The following MSRA variants were observed in gnomAD, a reference collection of about 807,000 sequenced individuals.
MSRA encodes the protein mitochondrial peptide methionine sulfoxide reductase.
In MSRA, 54 loss-of-function variants were observed where a neutral mutation model predicts 31.3. That is an observed-to-expected ratio of 1.73 (90% CI 1.39 to 2.17). The LOEUF (loss-of-function observed/expected upper bound fraction) is 2.17, where lower values mean the gene tolerates loss of function less well. Among genes scored for constraint, MSRA ranks in the 30% most tolerant of loss-of-function variants. The probability of loss-of-function intolerance (pLI) is 0.00; values close to 1 mark genes in which losing one functional copy is unlikely to be tolerated. For synonymous variants in MSRA, 169 were observed against 116.5 expected, an observed-to-expected ratio of 1.45 and a Z score of -2.90; for missense variants, 507 against 300.9, an observed-to-expected ratio of 1.69 and a Z score of -5.07.
At chr8:10,209,169 C>T (rs1052104229) in intron 2 of MSRA, among the ~76,000 whole-genome samples, 1 of 152,220 alleles carries the variant, frequency 6.6e-6, no homozygotes, top group Non-Finnish European at 1.5e-5. Context: ...CTCTCTAAAC[C>T]ATGTGCTAAA....
Position 10,350,292 on chromosome 8 carries a change from A to G in MSRA, c.543+30303A>G, listed in dbSNP as rs962555426. Among the ~76,000 whole-genome samples the G allele has an allele frequency of 6.6e-5, 10 of 152,356 alleles. 1 individual carries two copies. In the South Asian group the frequency reaches 2.1e-3, roughly 32 times the overall value. The stretch of plus-strand genomic sequence containing the variant: ...GCATCTTTGAGAAACTTTCTGTTTT[A>G]TACTCACAGCGCTTCACAGCTTGCA... On this transcript the variant is annotated intron_variant, in intron 5 of 5. Transcript: ENST00000317173.
At chr8:10,142,328 A>G (rs1020122505) in intron 1 of MSRA, among the ~76,000 whole-genome samples, 1 of 151,932 alleles carries the variant, frequency 6.6e-6, no homozygotes, top group Non-Finnish European at 1.5e-5. Context: ...TAGGATTCCC[A>G]TTTTCCAGGA....
Position 10,370,951 on chromosome 8 carries a change from A to G in MSRA, c.543+50962A>G, listed in dbSNP as rs116012913. 4.0e-3 allele frequency among the ~76,000 whole-genome samples: 611 copies of G among 152,312 alleles called. 8 individuals carry two copies. The highest frequency in any genetic ancestry group is 0.014 in the African/African-American group (587 of 41,572). On this transcript the variant is annotated intron_variant, in intron 5 of 5. Coordinates refer to ENST00000317173, the MANE Select transcript of MSRA (RefSeq NM_012331.5). ...TGTCACACACGCTCGTGGGCAGGTC[A>G]TGAGAAGACGTGTCTGAAGTGTGAT...
intron 3 of MSRA, among the ~76,000 whole-genome samples, chr8:10,248,436 C>T (rs138455611): frequency 0.013 from 2,026 of 152,232 alleles, 30 homozygotes; most frequent in Middle Eastern, 0.044. Flanking sequence ...TATGTGATGA[C>T]GCACATCAGA....
chr8:10,413,281 G>A (rs540133469), intron 5 of MSRA, among the ~76,000 whole-genome samples: 2 of 152,312 alleles, frequency 1.3e-5, no homozygotes, highest in East Asian at 1.9e-4. Flanking sequence ...TTCCAGGCCT[G>A]TAAGGAATTC....
chr8:10,152,263 A>G (rs1000765265), intron 1 of MSRA, among the ~76,000 whole-genome samples: 3 of 152,232 alleles, frequency 2.0e-5, no homozygotes, highest in African/African-American at 7.2e-5. Flanking sequence ...AAACACATGT[A>G]TACGTATGTA....
chr8:10,246,466 C>T (rs1797628635), intron 3 of MSRA, among the ~76,000 whole-genome samples: 3 of 152,122 alleles, frequency 2.0e-5, no homozygotes, highest in Admixed American at 2.0e-4. Flanking sequence ...GAGGGAGTAT[C>T]TGGAGTTATA....
rs78882219 is a variant in MSRA, at chr8:10,176,700, T to A, written c.143-31133T>A. ...TGTGCAAAGGCCATCCTCTTTAGAT[T>A]CCAGACCAGACTTACGAAGTGAACT... On this transcript the variant is annotated intron_variant, in intron 1 of 5. Coordinates refer to ENST00000317173, the MANE Select transcript of MSRA (RefSeq NM_012331.5). Among the ~76,000 whole-genome samples, 1,194 of 152,326 alleles carry A rather than the reference T, an allele frequency of 7.8e-3. 31 individuals carry two copies. The South Asian group carries it at 0.089, about 11-fold the overall frequency.
At chr8:10,134,300 A>G (rs1802106815) in intron 1 of MSRA, among the ~76,000 whole-genome samples, 1 of 152,252 alleles carries the variant, frequency 6.6e-6, no homozygotes, top group East Asian at 1.9e-4. Context: ...ATGGGAAAAA[A>G]GAAGCCTCCA....
rs945162206 is a variant in MSRA, at chr8:10,223,780, C to G, written c.211+15879C>G. ...AATCTAGATGGTTAAAGGCAGGGGT[C>G]AAATCAAGACCATGGTACAAAAGAT... On this transcript the variant is annotated intron_variant, in intron 2 of 5. Coordinates refer to ENST00000317173, the MANE Select transcript of MSRA (RefSeq NM_012331.5). Among the ~76,000 whole-genome samples, 6 of 152,154 alleles carry G rather than the reference C, an allele frequency of 3.9e-5. No homozygotes were observed. In the East Asian group the frequency reaches 1.2e-3, roughly 29 times the overall value.
chr8:10,404,558 G>C (rs775678729), intron 5 of MSRA, among the ~76,000 whole-genome samples: 1 of 152,212 alleles, frequency 6.6e-6, no homozygotes, highest in East Asian at 1.9e-4. Context: ...CCTCACCTAC[G>C]ATCTGCCGTC....
At chr8:10,119,544 A>C (rs899415759) in intron 1 of MSRA, among the ~76,000 whole-genome samples, 5 of 152,232 alleles carry the variant, frequency 3.3e-5, no homozygotes, top group Non-Finnish European at 7.3e-5. Flanking sequence ...TGGTTCGCTG[A>C]TCAGCACTTG....
intron 4 of MSRA, among the ~76,000 whole-genome samples, chr8:10,314,143 A>T (rs753956878): frequency 6.6e-6 from 1 of 152,338 alleles, no homozygotes; most frequent in Non-Finnish European, 1.5e-5. Flanking sequence ...AATATTTGAC[A>T]AATTTAACTA....
chr8:10,171,928 C>T (rs1260086353), intron 1 of MSRA, among the ~76,000 whole-genome samples: 2 of 152,206 alleles, frequency 1.3e-5, no homozygotes, highest in African/African-American at 2.4e-5. Flanking sequence ...TGAGAGAATG[C>T]ACTATGTGAA....
At chr8:10,333,493 G>C (rs372629750) in intron 5 of MSRA, among the ~76,000 whole-genome samples, 7 of 152,278 alleles carry the variant, frequency 4.6e-5, no homozygotes, top group African/African-American at 1.4e-4. Flanking sequence ...GGAGGTCCCC[G>C]ATGACTTGGG....
At chr8:10,366,873 C>T (rs1211524965) in intron 5 of MSRA, among the ~76,000 whole-genome samples, 2 of 152,084 alleles carry the variant, frequency 1.3e-5, no homozygotes, top group African/African-American at 4.8e-5. Flanking sequence ...GCTGCCAGAC[C>T]ACGCTGTTGC....
At chr8:10,265,858 C>T (rs1448431101) in intron 3 of MSRA, among the ~76,000 whole-genome samples, 1 of 152,352 alleles carries the variant, frequency 6.6e-6, no homozygotes, top group East Asian at 1.9e-4. Flanking sequence ...TTTCTGGAAT[C>T]ACACAGATTT....
chr8:10,403,448 A>G (rs933099284), intron 5 of MSRA, among the ~76,000 whole-genome samples: 1 of 152,084 alleles, frequency 6.6e-6, no homozygotes, highest in African/African-American at 2.4e-5. Context: ...AGGAAGGGAG[A>G]GGTTCATGGG....
intron 3 of MSRA, among the ~76,000 whole-genome samples, chr8:10,261,530 C>T (rs922965869): frequency 6.6e-6 from 1 of 151,966 alleles, no homozygotes; most frequent in Non-Finnish European, 1.5e-5. Context: ...GCATTCGTTT[C>T]TACAAAACCT....
Sources: gnomAD v4.1 joint callset for allele counts (sites outside exome capture counted in the v4.1 genomes callset) on GRCh38, gnomAD v4.1.1 for gene constraint, MANE v1.5 for transcripts, NCBI Gene and HGNC (gene_info 2026-07-23, HGNC 2026-07-21) for gene names.